NUFIP1: variants seen among roughly 807,000 people sequenced by gnomAD.
NUFIP1 encodes FMR1-interacting protein NUFIP1.
NUFIP1 carries 38 observed loss-of-function variants against 56.2 expected under a neutral mutation model. That is an observed-to-expected ratio of 0.68 (90% CI 0.52 to 0.89). NUFIP1 has a LOEUF of 0.89. Among genes scored for constraint, NUFIP1 ranks in the 40% least tolerant of loss-of-function variants. The probability of loss-of-function intolerance (pLI) is 0.00; values close to 1 mark genes in which losing one functional copy is unlikely to be tolerated. For missense variants in NUFIP1, 567 were observed against 605.8 expected (o/e 0.94, Z 0.67); for synonymous variants, 215 against 212.4 (o/e 1.01, Z -0.10).
At chr13:44,976,125 G>A (rs1050678909) in intron 5 of NUFIP1, among the ~76,000 whole-genome samples, 1 of 122,286 alleles carries the variant, frequency 8.2e-6, no homozygotes, top group Admixed American at 7.6e-5. Context: ...CTAAGTAGTA[G>A]GGGGAAAAAA....
intron 5 of NUFIP1, among the ~76,000 whole-genome samples, chr13:44,974,324 C>G (rs1194107764): frequency 1.3e-5 from 2 of 151,926 alleles, no homozygotes; most frequent in Non-Finnish European, 2.9e-5. Context: ...GCTGAGATAT[C>G]GACAAGAGCA....
chr13:44,965,996 A>G (rs1000700308), intron 5 of NUFIP1, 60 bp from the exon 6 acceptor site: 6 of 983,908 alleles, frequency 6.1e-6, no homozygotes, highest in Non-Finnish European at 8.7e-6. Flanking sequence ...TAAATAAGCA[A>G]TCAAGCAATT....
At chr13:44,983,836 C>G (rs1320815452) in intron 1 of NUFIP1, among the ~76,000 whole-genome samples, 1 of 152,140 alleles carries the variant, frequency 6.6e-6, no homozygotes, top group Non-Finnish European at 1.5e-5. Flanking sequence ...GACCTTCTCT[C>G]ACTCTCTCTC....
At chr13:44,962,319 C>T (rs949772768) in intron 6 of NUFIP1, among the ~76,000 whole-genome samples, 2 of 152,214 alleles carry the variant, frequency 1.3e-5, no homozygotes, top group Non-Finnish European at 2.9e-5. Flanking sequence ...CCTTTCTCCA[C>T]TGCATTATAT....
At chr13:44,981,666 C>T (rs890068520) in intron 2 of NUFIP1, among the ~76,000 whole-genome samples, 2 of 151,994 alleles carry the variant, frequency 1.3e-5, no homozygotes, top group Non-Finnish European at 2.9e-5. Flanking sequence ...CAAAAATTAG[C>T]CAGGTGTGGT....
At chr13:44,967,740 G>C (rs562187216) in intron 5 of NUFIP1, among the ~76,000 whole-genome samples, 1 of 152,304 alleles carries the variant, frequency 6.6e-6, no homozygotes, top group Non-Finnish European at 1.5e-5. Flanking sequence ...ACAGAAGTGT[G>C]CCAGATGAAC....
At chr13:44,972,113 A>G (rs1291659287) in intron 5 of NUFIP1, among the ~76,000 whole-genome samples, 2 of 152,220 alleles carry the variant, frequency 1.3e-5, no homozygotes, top group Admixed American at 6.5e-5. Context: ...AGTTTCTCAT[A>G]AAGTTAAACA....
At chr13:44,975,388 C>T (rs1261775111) in intron 5 of NUFIP1, among the ~76,000 whole-genome samples, 1 of 152,130 alleles carries the variant, frequency 6.6e-6, no homozygotes, top group Non-Finnish European at 1.5e-5. Context: ...TTCCAGTGTT[C>T]CCCACCTCAG....
intron 5 of NUFIP1, among the ~76,000 whole-genome samples, chr13:44,967,930 T>C (rs1012759455): frequency 2.0e-5 from 3 of 147,578 alleles, no homozygotes; most frequent in Non-Finnish European, 4.5e-5. Flanking sequence ...GTTCTGCCAT[T>C]GCTTCTAGGA....
At chr13:44,964,395 G>A (rs1871526585) in intron 6 of NUFIP1, among the ~76,000 whole-genome samples, 1 of 152,192 alleles carries the variant, frequency 6.6e-6, no homozygotes, top group South Asian at 2.1e-4. Flanking sequence ...CTATGACACA[G>A]GGCATGAAGC....
intron 5 of NUFIP1, 28 bp from the exon 6 acceptor site, chr13:44,965,964 T>A: frequency 7.5e-7 from 1 of 1,329,520 alleles, no homozygotes; most frequent in Non-Finnish European, 1.0e-6. Flanking sequence ...TTAATTATAA[T>A]AGGGCTTTTA....
At position 44,989,119 on chromosome 13, in the gene NUFIP1, G is replaced by T. The variant is rs1363560005; in HGVS notation, c.318C>A (p.Ser106Arg). The change falls in exon 1 of 10, where the codon AGC becomes AGA. Residue 106 changes from serine (S) to arginine (R), a missense_variant. Coordinates refer to ENST00000379161, the MANE Select transcript of NUFIP1 (RefSeq NM_012345.3). ...QSPLDSQPQP[S>R]GQPWNFHAST... ...AAGCATGGAAATTCCAAGGCTGGCC[G>T]CTGGGTTGAGGCTGAGAATCAAGGG... is the stretch of plus-strand genomic sequence containing the variant. 6.8e-6 allele frequency: 11 copies of T among 1,614,112 alleles called. No individual in the cohort carries two copies. Among genetic ancestry groups the T allele is most frequent in the African/African-American group, 1.3e-5 (1 of 75,052 alleles).
chr13:44,947,405 A>C (rs1450359263), intron 8 of NUFIP1, among the ~76,000 whole-genome samples: 1 of 151,774 alleles, frequency 6.6e-6, no homozygotes, highest in Non-Finnish European at 1.5e-5. Context: ...CACCAGGCTA[A>C]TTTTTGTATT....
At position 44,989,061 on chromosome 13, in the gene NUFIP1, T is replaced by C. The variant is rs759643667; in HGVS notation, c.376A>G (p.Arg126Gly). The part of the protein sequence containing the change: ...TSWYWRQSSD[R>G]FPRHQKSFNP... Reference sequence around the variant, plus strand: ...AAGGACTTCTGATGCCGAGGAAACCTATCAGAAGACTGTCTCCAATACCAC... The same window carrying C: ...AAGGACTTCTGATGCCGAGGAAACCCATCAGAAGACTGTCTCCAATACCAC... Residue 126 changes from arginine (R) to glycine (G), a missense_variant, in exon 1 of 10, where the codon AGG (arginine) becomes GGG (glycine). By Grantham distance (125) the Arg-to-Gly change is moderately radical (BLOSUM62 -2). Transcript: ENST00000379161. 19 of 1,613,994 alleles carry C rather than the reference T, an allele frequency of 1.2e-5. No individual in the cohort carries two copies. Among genetic ancestry groups the C allele is most frequent in the Middle Eastern group, 3.3e-4 (2 of 6,074 alleles).
intron 1 of NUFIP1, among the ~76,000 whole-genome samples, 165 bp downstream of exon 1, chr13:44,988,855 AATTTT>A (rs1872536870): frequency 6.6e-6 from 1 of 152,022 alleles, no homozygotes; most frequent in Non-Finnish European, 1.5e-5. Context: ...ATGCCTGGCT[AATTTT>A]ATTTTTTTTG....
chr13:44,976,162 TC>T (rs1162466464), intron 5 of NUFIP1, among the ~76,000 whole-genome samples: 9 of 152,190 alleles, frequency 5.9e-5, no homozygotes, highest in Admixed American at 4.6e-4. Flanking sequence ...TTAGGCCACT[TC>T]CATCCCATCC....
intron 1 of NUFIP1, among the ~76,000 whole-genome samples, chr13:44,987,752 C>A (rs984503909): frequency 1.4e-4 from 22 of 152,186 alleles, no homozygotes; most frequent in African/African-American, 5.3e-4. Context: ...ACTACAATAG[C>A]TTCCTAACCG....
chr13:44,976,750 T>A (rs143752282), intron 5 of NUFIP1, among the ~76,000 whole-genome samples: 1 of 152,198 alleles, frequency 6.6e-6, no homozygotes, highest in Non-Finnish European at 1.5e-5. Flanking sequence ...AAAAGAAGTT[T>A]ATTTCTTACA....
At chr13:44,974,173 T>G (rs570085784) in intron 5 of NUFIP1, among the ~76,000 whole-genome samples, 16 of 152,338 alleles carry the variant, frequency 1.1e-4, no homozygotes, top group African/African-American at 3.8e-4. Flanking sequence ...TCAAGTCAAC[T>G]CCTTAAGTCA....
Sources: allele counts gnomAD v4.1 joint callset (sites outside exome capture counted in the v4.1 genomes callset), GRCh38; gene constraint gnomAD v4.1.1; transcripts MANE v1.5; gene names NCBI Gene and HGNC (gene_info 2026-07-23, HGNC 2026-07-21).